The following UXS1 variants were observed in gnomAD, a reference collection of about 807,000 sequenced individuals.
The protein encoded by UXS1 is UDP-glucuronate decarboxylase 1, also known as UDP-glucuronic acid decarboxylase 1.
Under a neutral mutation model 62.6 loss-of-function variants are expected in UXS1, and 33 were observed. The ratio of observed to expected loss-of-function variants is 0.53; its 90% confidence interval spans 0.40 to 0.70. The LOEUF (loss-of-function observed/expected upper bound fraction) is 0.70. Among genes scored for constraint, UXS1 ranks in the 30% least tolerant of loss-of-function variants. The pLI, the probability that UXS1 is intolerant of heterozygous loss-of-function variation, is 0.00. For missense variants in UXS1, 434 were observed against 556.3 expected (o/e 0.78, Z 2.21); for synonymous variants, 213 against 206.8 (o/e 1.03, Z -0.26).
chr2:106,172,440 T>A (rs1315652957), intron 1 of UXS1, among the ~76,000 whole-genome samples: 2 of 152,228 alleles, frequency 1.3e-5, no homozygotes, highest in African/African-American at 4.8e-5. Context: ...GGTCTCTTTT[T>A]AAAAATTATT....
At chr2:106,191,988 A>G (rs1204995419) in intron 1 of UXS1, among the ~76,000 whole-genome samples, 1 of 152,192 alleles carries the variant, frequency 6.6e-6, no homozygotes, top group African/African-American at 2.4e-5. Flanking sequence ...AGAACAACCT[A>G]TTAGTGATGC....
intron 1 of UXS1, among the ~76,000 whole-genome samples, chr2:106,181,778 C>T (rs949331154): frequency 1.3e-5 from 2 of 152,282 alleles, no homozygotes; most frequent in East Asian, 3.9e-4. Flanking sequence ...TAAATTCAGA[C>T]TTCTCACCAC....
chr2:106,116,106 GC>G lies in UXS1; in HGVS notation c.760-3342del, dbSNP rs557077264. On this transcript the variant is annotated intron_variant, in intron 9 of 14. Transcript: ENST00000283148. ...TCCTGAGACGTGGAGCCAACTAACA[GC>G]AGGCCTGACAGGCAAGAGGTGACCC... Among the ~76,000 whole-genome samples, 194 of 152,318 alleles carry G rather than the reference GC, an allele frequency of 1.3e-3. No individual in the cohort carries two copies. The Middle Eastern group carries it at 0.037, about 29-fold the overall frequency.
In UXS1 at chr2:106,123,679, T is replaced by C. The variant is rs17032446; in HGVS notation, c.638-588A>G. ...AATTCCTGTTTCTCTAGCGTATAAA[T>C]CAATCACACTTTAAGACATACCAGG... is the stretch of plus-strand genomic sequence containing the variant. On this transcript the variant is annotated intron_variant, in intron 8 of 14. Transcript: ENST00000283148. Among the ~76,000 whole-genome samples, 915 of 152,260 alleles carry C rather than the reference T, an allele frequency of 6.0e-3. 10 individuals carry two copies. The highest frequency in any genetic ancestry group is 0.021 in the African/African-American group (854 of 41,550).
chr2:106,182,359 C>T (rs931747617), intron 1 of UXS1, among the ~76,000 whole-genome samples: 3 of 152,230 alleles, frequency 2.0e-5, no homozygotes, highest in Non-Finnish European at 2.9e-5. Flanking sequence ...AAGCTAGGCG[C>T]TATTTCTGGA....
At chr2:106,165,816 A>AGG (rs67682917) in intron 2 of UXS1, among the ~76,000 whole-genome samples, 29 of 152,072 alleles carry the variant, frequency 1.9e-4, no homozygotes, top group Admixed American at 5.9e-4. Context: ...CAAGGAGGGA[A>AGG]GCGGGGGTGG....
At chr2:106,190,989 T>A (rs1684891809) in intron 1 of UXS1, among the ~76,000 whole-genome samples, 1 of 152,088 alleles carries the variant, frequency 6.6e-6, no homozygotes, top group Non-Finnish European at 1.5e-5. Flanking sequence ...CTATAAATGT[T>A]TCAAGGGCTG....
chr2:106,129,545 C>G, intron 7 of UXS1, 129 bp downstream of exon 7: 1 of 790,490 alleles, frequency 1.3e-6, no homozygotes, highest in Non-Finnish European at 2.1e-6. Flanking sequence ...CCAAATACCA[C>G]AAGCAGGGCA....
intron 10 of UXS1, among the ~76,000 whole-genome samples, chr2:106,106,274 G>A (rs957908352): frequency 5.4e-5 from 8 of 149,448 alleles, no homozygotes; most frequent in African/African-American, 2.0e-4. Context: ...TGAGGCAGGA[G>A]AATTGCTTGA....
intron 1 of UXS1, among the ~76,000 whole-genome samples, chr2:106,169,307 T>A (rs1683398319): frequency 6.6e-6 from 1 of 152,272 alleles, no homozygotes; most frequent in Non-Finnish European, 1.5e-5. Context: ...TATTGCCTTC[T>A]GGGTGGGTAG....
chr2:106,131,281 A>G (rs369079346), intron 6 of UXS1, among the ~76,000 whole-genome samples: 28 of 136,242 alleles, frequency 2.1e-4, no homozygotes, highest in East Asian at 9.0e-4. Context: ...GCTGATTGCT[A>G]GCACAGCAGT....
intron 5 of UXS1, among the ~76,000 whole-genome samples, chr2:106,157,285 T>A (rs1044607388): frequency 7.0e-6 from 1 of 142,314 alleles, no homozygotes; most frequent in East Asian, 2.1e-4. Flanking sequence ...TTAAAAAAAA[T>A]GCAACATGAA....
chr2:106,099,729 C>T lies in UXS1; in HGVS notation c.985-956G>A, dbSNP rs541706421. Among the ~76,000 whole-genome samples the T allele has an allele frequency of 3.9e-5, 6 of 152,306 alleles. No individual in the cohort carries two copies. In the East Asian group the frequency reaches 5.8e-4, roughly 15 times the overall value. ...CTTGCTAAAGAACCTGCAACAAAAA[C>T]GCAGAGCAGGGGCGCCTCGGGCCTC... On this transcript the variant is annotated intron_variant, in intron 12 of 14. Transcript: ENST00000283148.
intron 1 of UXS1, 148 bp downstream of exon 1, chr2:106,194,000 G>T: frequency 2.1e-6 from 1 of 469,722 alleles, no homozygotes. Context: ...GTGGAAAGGG[G>T]TGGGAGCAGA....
At chr2:106,100,927 T>G in intron 12 of UXS1, 131 bp downstream of exon 12, 1 of 1,151,294 alleles carries the variant, frequency 8.7e-7, no homozygotes, top group Non-Finnish European at 1.3e-6. Context: ...CCTCTAGTAT[T>G]TAGCAAGCAA....
At chr2:106,111,615 T>C (rs1288995229) in intron 10 of UXS1, among the ~76,000 whole-genome samples, 6 of 152,164 alleles carry the variant, frequency 3.9e-5, no homozygotes, top group African/African-American at 1.4e-4. Flanking sequence ...GCAACTCATA[T>C]AACCTCTGCG....
At chr2:106,185,298 G>C (rs1408324556) in intron 1 of UXS1, among the ~76,000 whole-genome samples, 1 of 152,134 alleles carries the variant, frequency 6.6e-6, no homozygotes, top group Non-Finnish European at 1.5e-5. Context: ...CATTTTCTTA[G>C]GAACTATGGT....
Position 106,163,766 on chromosome 2 carries a change from T to C in UXS1, c.187-56A>G. The stretch of plus-strand genomic sequence containing the variant: ...AAGCAAAAACACAGTTCTCAACCCC[T>C]TTCACCCCATTCTGATGTTTCAGAT... On this transcript the variant is annotated intron_variant, in intron 3 of 14. Transcript: ENST00000283148. The C allele has an allele frequency of 3.5e-6, 4 of 1,131,750 alleles. No individual in the cohort carries two copies. The South Asian group carries it at 5.9e-5, about 17-fold the overall frequency. 70.1% of individuals were successfully genotyped at this position (1,131,750 alleles called of 1,614,324 possible). A position where few individuals can be genotyped will look rare whatever the true frequency, so the allele number is the denominator to read the frequency against.
chr2:106,164,440 A>G (rs1305934423), intron 3 of UXS1, among the ~76,000 whole-genome samples: 3 of 152,162 alleles, frequency 2.0e-5, no homozygotes, highest in Admixed American at 2.0e-4. Flanking sequence ...GTTTGTACTC[A>G]TCTCTATCTC....
Sources: allele counts gnomAD v4.1 joint callset (sites outside exome capture counted in the v4.1 genomes callset), GRCh38; gene constraint gnomAD v4.1.1; transcripts MANE v1.5; gene names NCBI Gene and HGNC (gene_info 2026-07-23, HGNC 2026-07-21).